The following MED27 variants were observed in gnomAD, a reference collection of about 807,000 sequenced individuals.
The protein encoded by MED27 is mediator of RNA polymerase II transcription subunit 27.
Under a neutral mutation model 38.2 loss-of-function variants are expected in MED27, and 30 were observed. The ratio of observed to expected loss-of-function variants is 0.79; its 90% CI spans 0.59 to 1.07. The LOEUF (loss-of-function observed/expected upper bound fraction) is 1.07. MED27 is among the 50% of genes least tolerant of loss of function. The pLI, the probability that MED27 is intolerant of heterozygous loss-of-function variation, is 0.00. For missense variants in MED27, 289 were observed against 397.5 expected, an observed-to-expected ratio of 0.73 and a Z score of 2.32; for synonymous variants, 122 against 153.5, an observed-to-expected ratio of 0.79 and a Z score of 1.52.
chr9:131,993,090 T>C (rs576755735), intron 3 of MED27, among the ~76,000 whole-genome samples: 6 of 152,300 alleles, frequency 3.9e-5, no homozygotes, highest in South Asian at 2.1e-4. Flanking sequence ...TTTATTTTCA[T>C]ATGCAGGATG....
At chr9:131,871,764 G>A (rs1838838844) in intron 6 of MED27, among the ~76,000 whole-genome samples, 1 of 152,096 alleles carries the variant, frequency 6.6e-6, no homozygotes, top group Non-Finnish European at 1.5e-5. Context: ...TGTCCAAGCT[G>A]GTCTTGAACT....
At chr9:131,979,585 C>T (rs1263568335) in intron 3 of MED27, among the ~76,000 whole-genome samples, 2 of 151,706 alleles carry the variant, frequency 1.3e-5, no homozygotes, top group African/African-American at 4.8e-5. Flanking sequence ...CTGCCATCCG[C>T]CTTGCAGAGG....
At chr9:131,980,435 G>A (rs1209342411) in intron 3 of MED27, among the ~76,000 whole-genome samples, 1 of 152,118 alleles carries the variant, frequency 6.6e-6, no homozygotes, top group Non-Finnish European at 1.5e-5. Flanking sequence ...GTATTCGCGA[G>A]AGCTGAAAAC....
At chr9:131,880,533 G>C (rs886362534) in intron 6 of MED27, among the ~76,000 whole-genome samples, 1 of 152,184 alleles carries the variant, frequency 6.6e-6, no homozygotes, top group Admixed American at 6.5e-5. Context: ...GATGATAAAG[G>C]AATCTCAGAA....
At chr9:132,073,828 A>C in intron 2 of MED27, 2 of 1,440,462 alleles carry the variant, frequency 1.4e-6, no homozygotes, top group Non-Finnish European at 9.0e-7. Flanking sequence ...GCCCAGTAAA[A>C]AGTGACACTT....
At chr9:131,960,132 G>A (rs1290070406) in intron 3 of MED27, among the ~76,000 whole-genome samples, 1 of 152,152 alleles carries the variant, frequency 6.6e-6, no homozygotes, top group Non-Finnish European at 1.5e-5. Flanking sequence ...TTTCACTTGA[G>A]GATCTCAGAA....
At chr9:132,004,031 C>T (rs545493253) in intron 3 of MED27, among the ~76,000 whole-genome samples, 4 of 152,136 alleles carry the variant, frequency 2.6e-5, no homozygotes, top group African/African-American at 4.8e-5. Flanking sequence ...CTCTCTCCCC[C>T]ACCAGGACTT....
chr9:132,032,615 C>T (rs974071225), intron 2 of MED27, among the ~76,000 whole-genome samples: 4 of 152,160 alleles, frequency 2.6e-5, no homozygotes, highest in East Asian at 1.9e-4. Flanking sequence ...AGGATTGTAA[C>T]AGAATGTGTT....
chr9:131,894,845 C>T (rs370469087), intron 4 of MED27, among the ~76,000 whole-genome samples: 11 of 152,054 alleles, frequency 7.2e-5, no homozygotes, highest in East Asian at 3.9e-4. Context: ...GTGTTTGGGT[C>T]AAGGAGGCGG....
At chr9:131,931,415 A>G (rs1306441651) in intron 4 of MED27, among the ~76,000 whole-genome samples, 2 of 152,164 alleles carry the variant, frequency 1.3e-5, no homozygotes, top group African/African-American at 4.8e-5. Flanking sequence ...ACCTTCACTA[A>G]AAGGAACAAA....
chr9:132,024,261 A>G (rs1832772444), intron 2 of MED27, among the ~76,000 whole-genome samples: 1 of 152,242 alleles, frequency 6.6e-6, no homozygotes, highest in East Asian at 1.9e-4. Flanking sequence ...GGCAGGCTTT[A>G]AAAGTGCCTT....
intron 4 of MED27, among the ~76,000 whole-genome samples, chr9:131,899,193 C>G (rs1161226072): frequency 6.6e-6 from 1 of 152,186 alleles, no homozygotes; most frequent in East Asian, 1.9e-4. Flanking sequence ...AACGTCAAAG[C>G]TGGAACCAGA....
rs141653313 is a variant in MED27, at chr9:132,019,686, T to C, written c.349-5219A>G. Among the ~76,000 whole-genome samples the C allele has an allele frequency of 3.6e-3, 550 of 152,336 alleles. 3 individuals carry two copies. Among genetic ancestry groups the C allele is most frequent in the African/African-American group, 0.012 (519 of 41,570 alleles). On this transcript the variant is annotated intron_variant, in intron 2 of 7. Transcript: ENST00000292035. ...GGTCACTGACCTCAGGTCACACCAT[T>C]CGCAGGAGGACGGTGGGCCATACAG... is the stretch of plus-strand genomic sequence containing the variant.
At chr9:132,055,004 C>T (rs1452969921) in intron 2 of MED27, among the ~76,000 whole-genome samples, 1 of 152,146 alleles carries the variant, frequency 6.6e-6, no homozygotes, top group Non-Finnish European at 1.5e-5. Context: ...CAGAAGGGCG[C>T]TTTCTTTGAC....
intron 4 of MED27, among the ~76,000 whole-genome samples, chr9:131,918,181 G>C (rs1348927597): frequency 1.3e-5 from 2 of 152,216 alleles, no homozygotes; most frequent in Non-Finnish European, 2.9e-5. Context: ...TTTGTGGAAG[G>C]AAACCAGAGA....
In MED27 at chr9:131,860,803, C is replaced by T; in HGVS notation, c.802-131G>A. 2 of 994,552 alleles carry T rather than the reference C, an allele frequency of 2.0e-6. 1 individual carries two copies. The highest frequency in any genetic ancestry group is 3.2e-5 in the South Asian group (2 of 61,888). The allele number at this position is 994,552 out of a possible 1,614,324, so 61.6% of individuals were successfully genotyped here. On this transcript the variant is annotated intron_variant, in intron 7 of 7. Coordinates refer to ENST00000292035, the MANE Select transcript of MED27 (RefSeq NM_004269.4). This position sits in a 1 kb window ranked among gnomAD's most constrained non-coding sequence, Gnocchi z 5.8. ...CCCCAGAAGATGCCCTGTGATTTCACAGGGAGCAGCAGGCGGAACCCACAA... is the reference window on the plus strand; with the variant it reads ...CCCCAGAAGATGCCCTGTGATTTCATAGGGAGCAGCAGGCGGAACCCACAA...
intron 2 of MED27, among the ~76,000 whole-genome samples, chr9:132,018,160 T>C (rs1832644162): frequency 6.6e-6 from 1 of 152,182 alleles, no homozygotes; most frequent in Non-Finnish European, 1.5e-5. Flanking sequence ...TTCAATTCCT[T>C]TGTATTTCTA....
intron 2 of MED27, among the ~76,000 whole-genome samples, chr9:132,043,218 A>G (rs973422485): frequency 6.6e-6 from 1 of 152,106 alleles, no homozygotes; most frequent in Non-Finnish European, 1.5e-5. Context: ...CACTTATACT[A>G]GAAGTCCAAG....
At chr9:131,996,889 G>C (rs1386372005) in intron 3 of MED27, among the ~76,000 whole-genome samples, 2 of 152,044 alleles carry the variant, frequency 1.3e-5, no homozygotes, top group African/African-American at 4.8e-5. Flanking sequence ...CTTTTCTCTA[G>C]ATATTTTATT....
Sources: allele counts gnomAD v4.1 joint callset (sites outside exome capture counted in the v4.1 genomes callset), GRCh38; gene constraint gnomAD v4.1.1; non-coding constraint Gnocchi (gnomAD v3.1); transcripts MANE v1.5; gene names NCBI Gene and HGNC (gene_info 2026-07-23, HGNC 2026-07-21).